Variants in RAD54B observed in about 807,000 individuals in gnomAD.
RAD54B encodes DNA repair and recombination protein RAD54B.
RAD54B carries 78 observed loss-of-function variants against 95.8 expected under a neutral mutation model. The ratio of observed to expected loss-of-function variants is 0.81; its 90% confidence interval spans 0.68 to 0.98. RAD54B has a LOEUF of 0.98. RAD54B is among the 50% of genes least tolerant of loss of function. The probability of loss-of-function intolerance (pLI) is 0.00; values close to 1 mark genes in which losing one functional copy is unlikely to be tolerated. For missense variants in RAD54B, 957 were observed against 1,056.6 expected (o/e 0.91, Z 1.31); for synonymous variants, 328 against 354.9 (o/e 0.92, Z 0.85).
chr8:94,380,466 G>A (rs1157283927), intron 11 of RAD54B, 60 bp from the exon 12 acceptor site: 9 of 1,480,092 alleles, frequency 6.1e-6, no homozygotes, highest in Admixed American at 2.2e-5. Flanking sequence ...GATTTTCTTA[G>A]TTGAAAGAAA....
intron 2 of RAD54B, among the ~76,000 whole-genome samples, chr8:94,465,771 T>C (rs1813011040): frequency 6.6e-6 from 1 of 152,174 alleles, no homozygotes; most frequent in East Asian, 1.9e-4. Context: ...ATGCATCAAA[T>C]AGATGAATGG....
intron 11 of RAD54B, among the ~76,000 whole-genome samples, chr8:94,384,920 A>G (rs1343205409): frequency 6.6e-6 from 1 of 152,170 alleles, no homozygotes; most frequent in Non-Finnish European, 1.5e-5. Flanking sequence ...CCTGGGCAAC[A>G]TGGTGAAACA....
Position 94,426,183 on chromosome 8 carries a change from C to CCTCAAG in RAD54B, c.305-14874_305-14869dup, listed in dbSNP as rs1290491280. Among the ~76,000 whole-genome samples, 5 of 151,690 alleles carry CCTCAAG rather than the reference C, an allele frequency of 3.3e-5. No individual in the cohort carries two copies. In the South Asian group the frequency reaches 6.3e-4, roughly 19 times the overall value. ...GGCCAGGCTGGTTTCGAACTCCTGG[C>CCTCAAG]CTCAAGCGATCCACCCGCCTCAGCC... On this transcript the variant is annotated intron_variant, in intron 3 of 14. Coordinates refer to ENST00000336148, the MANE Select transcript of RAD54B (RefSeq NM_012415.3).
At chr8:94,432,620 A>T in intron 3 of RAD54B, 1 of 1,548,964 alleles carries the variant, frequency 6.5e-7, no homozygotes, top group Non-Finnish European at 8.7e-7. Flanking sequence ...CCTGTAGTGA[A>T]CTGGTACCAG....
intron 3 of RAD54B, among the ~76,000 whole-genome samples, chr8:94,446,147 T>C (rs551275395): frequency 6.6e-6 from 1 of 152,190 alleles, no homozygotes; most frequent in Non-Finnish European, 1.5e-5. Context: ...TTGAACAAAG[T>C]TGAATTACTA....
intron 3 of RAD54B, among the ~76,000 whole-genome samples, chr8:94,422,579 C>T (rs1392461583): frequency 3.8e-5 from 3 of 79,828 alleles, no homozygotes; most frequent in African/African-American, 1.5e-4. Context: ...TAGAGCGAGA[C>T]TTCGTCTCAA....
Position 94,400,321 on chromosome 8 carries a change from G to A in RAD54B, c.1087C>T (p.Pro363Ser). The change falls in exon 7 of 15, where the codon CCT becomes TCT. Residue 363 changes from proline (P) to serine (S), a missense_variant. Physicochemically the swap from Pro to Ser is moderately conservative, Grantham distance 74. Transcript: ENST00000336148. ...PVIKKTLIVT[P>S]GSLVNNWKKE... ...TTCCAATTATTCACCAAGCTTCCAG[G>A]TGTGACAATTAGTGTCTTCTTTATT... is the stretch of plus-strand genomic sequence containing the variant. The A allele has an allele frequency of 6.2e-7, 1 of 1,613,678 alleles. No homozygotes were observed. Among genetic ancestry groups the A allele is most frequent in the Non-Finnish European group, 8.5e-7 (1 of 1,179,848 alleles).
chr8:94,378,150 A>G (rs367615833), intron 14 of RAD54B, 30 bp downstream of exon 14: 1 of 1,466,276 alleles, frequency 6.8e-7, no homozygotes, highest in African/African-American at 1.4e-5. Context: ...TAACTTTACT[A>G]CATAGTAACA....
chr8:94,399,634 G>C lies in RAD54B; in HGVS notation c.1171-13C>G, dbSNP rs1367970934. ...CAACTTTGTGGTCCTGAGGAAAAAA[G>C]ATAGTATTTTAAAAATCAGGAACAG... On this transcript the variant is annotated splice_polypyrimidine_tract_variant and intron_variant, in intron 7 of 14. Coordinates refer to ENST00000336148, the MANE Select transcript of RAD54B (RefSeq NM_012415.3). The C allele has an allele frequency of 6.3e-7, 1 of 1,586,666 alleles. No homozygotes were observed. Among genetic ancestry groups the C allele is most frequent in the Non-Finnish European group, 8.5e-7 (1 of 1,171,106 alleles).
At chr8:94,375,647 A>G (rs966257795) in intron 14 of RAD54B, among the ~76,000 whole-genome samples, 1 of 152,164 alleles carries the variant, frequency 6.6e-6, no homozygotes, top group Non-Finnish European at 1.5e-5. Context: ...AAATTATGAT[A>G]TATCTATACA....
At chr8:94,396,412 T>C (rs1811147204) in intron 8 of RAD54B, among the ~76,000 whole-genome samples, 1 of 151,898 alleles carries the variant, frequency 6.6e-6, no homozygotes, top group East Asian at 1.9e-4. Flanking sequence ...TTTTTCTTTG[T>C]TTTTTGGTTT....
In RAD54B at chr8:94,453,498, C is replaced by T. The variant is rs146097955; in HGVS notation, c.304+4770G>A. 2.8e-4 allele frequency among the ~76,000 whole-genome samples: 42 copies of T among 152,180 alleles called. No individual in the cohort carries two copies. The East Asian group carries it at 8.1e-3, about 29-fold the overall frequency. On this transcript the variant is annotated intron_variant, in intron 3 of 14. Transcript: ENST00000336148. ...GAGCCGAGATCACGCCACTGCACTC[C>T]GGCCTGGGTGACAGAGCAAGACTCC...
intron 3 of RAD54B, among the ~76,000 whole-genome samples, chr8:94,438,372 C>T (rs1267599308): frequency 6.6e-6 from 1 of 152,102 alleles, no homozygotes; most frequent in African/African-American, 2.4e-5. Flanking sequence ...ATAGTTCTAC[C>T]CTTTCATTGT....
At chr8:94,446,677 C>A (rs796481083) in intron 3 of RAD54B, among the ~76,000 whole-genome samples, 3 of 152,276 alleles carry the variant, frequency 2.0e-5, no homozygotes, top group African/African-American at 7.2e-5. Context: ...CACTGCACTT[C>A]ATTTTGTGTC....
chr8:94,376,808 TAAACTAATAAGCTTCTATTGTACCTA>T (rs1810586572), intron 14 of RAD54B, among the ~76,000 whole-genome samples: 1 of 149,972 alleles, frequency 6.7e-6, no homozygotes, highest in Non-Finnish European at 1.5e-5. Flanking sequence ...AAATAACTAA[TAAACTAATAAGCTTCTATTGTACCTA>T]AAGAGAAACA....
chr8:94,378,270 G>A lies in RAD54B; in HGVS notation c.2425C>T (p.Leu809Phe). 1 of 1,613,480 alleles carries A rather than the reference G, an allele frequency of 6.2e-7. No individual in the cohort carries two copies. Among genetic ancestry groups the A allele is most frequent in the Non-Finnish European group, 8.5e-7 (1 of 1,179,732 alleles). The change falls in exon 14 of 15, where the codon CTT becomes TTT. Residue 809 changes from leucine (L) to phenylalanine (F), a missense_variant. By Grantham distance (22) the Leu-to-Phe change is conservative (BLOSUM62 0). Coordinates refer to ENST00000336148, the MANE Select transcript of RAD54B (RefSeq NM_012415.3). ...SEHIQFSVEE[L>F]KNLFTLHESS... ...TCATGTAATGTGAACAAATTTTTAA[G>A]TTCTTCTACTGAAAACTGAATATGT...
At chr8:94,441,142 C>G (rs1195219084) in intron 3 of RAD54B, among the ~76,000 whole-genome samples, 1 of 152,198 alleles carries the variant, frequency 6.6e-6, no homozygotes, top group African/African-American at 2.4e-5. Flanking sequence ...AAATCAATCA[C>G]GACCCTTTCA....
At chr8:94,431,882 T>C (rs900325195) in intron 3 of RAD54B, 4 of 1,164,348 alleles carry the variant, frequency 3.4e-6, no homozygotes, top group Middle Eastern at 3.4e-4. Flanking sequence ...GAATAAAATA[T>C]CTTTTGTAAG....
At chr8:94,467,094 A>T (rs1813043645) in intron 2 of RAD54B, among the ~76,000 whole-genome samples, 1 of 151,964 alleles carries the variant, frequency 6.6e-6, no homozygotes, top group East Asian at 1.9e-4. Flanking sequence ...ACACCCCACT[A>T]AATTTTTATT....
Sources: allele counts gnomAD v4.1 joint callset (sites outside exome capture counted in the v4.1 genomes callset), GRCh38; gene constraint gnomAD v4.1.1; transcripts MANE v1.5; gene names NCBI Gene and HGNC (gene_info 2026-07-23, HGNC 2026-07-21).